The following CACNA1C variants were observed in gnomAD, a reference collection of about 807,000 sequenced individuals.
CACNA1C encodes the protein calcium voltage-gated channel subunit alpha1 C.
CACNA1C carries 30 observed loss-of-function variants against 229.0 expected under a neutral mutation model. That is an observed-to-expected ratio of 0.13 (90% CI 0.10 to 0.18). CACNA1C has a LOEUF of 0.18. Ranked by LOEUF, CACNA1C falls within the 10% of genes least tolerant of loss-of-function variation. CACNA1C has a pLI of 1.00. For missense variants in CACNA1C, 1,658 were observed against 2,845.0 expected, an observed-to-expected ratio of 0.58 and a Z score of 9.49; for synonymous variants, 1,114 against 1,132.5, an observed-to-expected ratio of 0.98 and a Z score of 0.33.
At chr12:2,457,778 A>G in intron 5 of CACNA1C, 72 bp downstream of exon 5, 1 of 1,327,912 alleles carries the variant, frequency 7.5e-7, no homozygotes, top group Non-Finnish European at 9.9e-7. Flanking sequence ...TGAATTGCCA[A>G]GAACACTCTG....
intron 2 of CACNA1C, among the ~76,000 whole-genome samples, 187 bp downstream of exon 2, chr12:2,115,732 A>G (rs2083560096): frequency 6.6e-6 from 1 of 152,256 alleles, no homozygotes; most frequent in Non-Finnish European, 1.5e-5. Flanking sequence ...AGACTGGATG[A>G]ATCAGAATAT....
chr12:2,190,009 A>G (rs1322423172), intron 3 of CACNA1C, among the ~76,000 whole-genome samples: 1 of 152,238 alleles, frequency 6.6e-6, no homozygotes, highest in African/African-American at 2.4e-5. Flanking sequence ...TTGTGGTTCA[A>G]CGTTAAAGGA....
intron 3 of CACNA1C, among the ~76,000 whole-genome samples, chr12:2,131,959 T>G (rs1261284695): frequency 2.1e-5 from 3 of 144,612 alleles, no homozygotes; most frequent in Admixed American, 6.9e-5. Context: ...CTTCCATTTG[T>G]TTGTATCCTC....
rs116455979 is a variant in CACNA1C, at chr12:2,317,457, A to T, written c.478-131519A>T. ...GTGCCTAGAGTAATGGAATTTATAG[A>T]GATGGGAAGCAGGATGACGGTTTTC... is the stretch of plus-strand genomic sequence containing the variant. On this transcript the variant is annotated intron_variant, in intron 3 of 46. Coordinates refer to ENST00000399655, the MANE Select transcript of CACNA1C (RefSeq NM_000719.7). Among the ~76,000 whole-genome samples, 551 of 152,270 alleles carry T rather than the reference A, an allele frequency of 3.6e-3. 3 individuals carry two copies. The highest frequency in any genetic ancestry group is 0.013 in the African/African-American group (537 of 41,546).
At chr12:2,517,209 G>A (rs370627625) in intron 9 of CACNA1C, among the ~76,000 whole-genome samples, 9 of 152,226 alleles carry the variant, frequency 5.9e-5, no homozygotes, top group African/African-American at 1.4e-4. Context: ...CATCTCTCGA[G>A]TCTGCATGCC....
In CACNA1C at chr12:2,457,843, A is replaced by G. The variant is rs547069202; in HGVS notation, c.757+137A>G. ...GGGTTTTTGTTTTTGTTTTAAAATG[A>G]GTTCCTTTGATCTGAAGAGCCCAAC... On this transcript the variant is annotated intron_variant, in intron 5 of 46. Transcript: ENST00000399655. The G allele has an allele frequency of 1.0e-5, 8 of 800,808 alleles. No individual in the cohort carries two copies. In the South Asian group the frequency reaches 2.8e-4, roughly 28 times the overall value. The allele number at this position is 800,808 out of a possible 1,614,324, so 49.6% of individuals were successfully genotyped here. A position where few individuals can be genotyped will look rare whatever the true frequency, so the allele number is the denominator to read the frequency against.
At chr12:2,261,163 T>C (rs1035714950) in intron 3 of CACNA1C, among the ~76,000 whole-genome samples, 1 of 150,594 alleles carries the variant, frequency 6.6e-6, no homozygotes, top group Admixed American at 6.6e-5. Context: ...ACCTGGGAGG[T>C]GGAGCTTGCA....
rs533278646 is a variant in CACNA1C, at chr12:2,165,686, A to G, written c.477+45256A>G. Among the ~76,000 whole-genome samples, 3 of 151,940 alleles carry G rather than the reference A, an allele frequency of 2.0e-5. No homozygotes were observed. The South Asian group carries it at 6.2e-4, about 31-fold the overall frequency. ...CTGTTTAAGTGGAAAATGCATGGTG[A>G]GTGAACATTACCTTTCAAGCAACTT... On this transcript the variant is annotated intron_variant, in intron 3 of 46. Transcript: ENST00000399655.
intron 3 of CACNA1C, among the ~76,000 whole-genome samples, chr12:2,394,874 C>T (rs1403214882): frequency 6.6e-6 from 1 of 152,194 alleles, no homozygotes; most frequent in Non-Finnish European, 1.5e-5. Flanking sequence ...GTACCATAAG[C>T]TGTATCTGCA....
rs1378261360 is a variant in CACNA1C, at chr12:2,691,297, CG to C, written c.*100del. On this transcript the variant is annotated 3_prime_UTR_variant, in exon 47 of 47. Coordinates refer to ENST00000399655, the MANE Select transcript of CACNA1C (RefSeq NM_000719.7). ...ACTGTTCTCGTGACCTGGAGTTAAC[CG>C]GAACAGCGTCTTCATTCATTTCTGT... 10 of 1,212,746 alleles carry C rather than the reference CG, an allele frequency of 8.2e-6. No individual in the cohort carries two copies. Among genetic ancestry groups the C allele is most frequent in the Middle Eastern group, 2.9e-4 (1 of 3,422 alleles). 75.1% of individuals were successfully genotyped at this position (1,212,746 alleles called of 1,614,324 possible). A position where few individuals can be genotyped will look rare whatever the true frequency, so the allele number is the denominator to read the frequency against.
chr12:2,232,124 G>A (rs904440536), intron 3 of CACNA1C, among the ~76,000 whole-genome samples: 7 of 150,110 alleles, frequency 4.7e-5, no homozygotes, highest in Non-Finnish European at 8.8e-5. Context: ...CTCCACTTCA[G>A]TCCTTTTTTT....
intron 3 of CACNA1C, among the ~76,000 whole-genome samples, chr12:2,182,735 GTCCA>G (rs1455707031): frequency 6.6e-5 from 10 of 152,158 alleles, no homozygotes. Context: ...GCATCCCTGA[GTCCA>G]AGGTAGGGGA....
Position 2,566,351 on chromosome 12 carries a change from G to A in CACNA1C, c.1509-71G>A. Reference sequence around the variant, plus strand: ...AGTGAGGGGCGAGAAGAGCCATGGTGCTGCATCTTGGGTTGGAGGAAACCT... The same window carrying A: ...AGTGAGGGGCGAGAAGAGCCATGGTACTGCATCTTGGGTTGGAGGAAACCT... On this transcript the variant is annotated intron_variant, in intron 11 of 46. Transcript: ENST00000399655. The surrounding 1 kb of genome is among the most constrained non-coding windows in gnomAD (Gnocchi z 4.0). 1 of 1,370,900 alleles carries A rather than the reference G, an allele frequency of 7.3e-7. No individual in the cohort carries two copies. Among genetic ancestry groups the A allele is most frequent in the Non-Finnish European group, 1.0e-6 (1 of 1,001,102 alleles). 84.9% of individuals were successfully genotyped at this position (1,370,900 alleles called of 1,614,324 possible).
intron 7 of CACNA1C, among the ~76,000 whole-genome samples, chr12:2,494,252 G>A (rs1037998767): frequency 2.0e-5 from 3 of 152,126 alleles, no homozygotes; most frequent in Non-Finnish European, 2.9e-5. Flanking sequence ...ACTTTGCTGC[G>A]CTTTGAGCCT....
rs575361164 is a variant in CACNA1C, at chr12:2,539,164, T to G, written c.1391-10779T>G. Among the ~76,000 whole-genome samples the G allele has an allele frequency of 3.9e-5, 6 of 152,348 alleles. 1 individual carries two copies. The highest frequency in any genetic ancestry group is 2.1e-4 in the South Asian group (1 of 4,826). On this transcript the variant is annotated intron_variant, in intron 9 of 46. Transcript: ENST00000399655. ...TGTGCCGTAGGGGTATGTCGGTCAG[T>G]GTCCCCATGGAAACAGTAGGTACTC...
chr12:2,387,466 C>G (rs1302018154), intron 3 of CACNA1C, among the ~76,000 whole-genome samples: 1 of 151,686 alleles, frequency 6.6e-6, no homozygotes, highest in Non-Finnish European at 1.5e-5. Flanking sequence ...GCCTGGGCGA[C>G]AGATCAAGAC....
Position 2,348,166 on chromosome 12 carries a change from T to C in CACNA1C, c.478-100810T>C, listed in dbSNP as rs2097102787. Among the ~76,000 whole-genome samples the C allele has an allele frequency of 6.6e-6, 1 of 152,086 alleles. No homozygotes were observed. Among genetic ancestry groups the C allele is most frequent in the African/African-American group, 2.4e-5 (1 of 41,420 alleles). ...GTGGGAGCGTGGGGCTAGCTGCCAG[T>C]GGGATGGCCCCAGCCGGAGGAGCTG... On this transcript the variant is annotated intron_variant, in intron 3 of 46. Transcript: ENST00000399655. The surrounding 1 kb of genome is among the most constrained non-coding windows in gnomAD (Gnocchi z 4.7).
upstream of CACNA1C, among the ~76,000 whole-genome samples, chr12:2,048,921 T>C (rs1261711475): frequency 6.6e-6 from 1 of 152,134 alleles, no homozygotes; most frequent in South Asian, 2.1e-4. Context: ...TGTCAACACT[T>C]TTTTTCCCCA....
In CACNA1C at chr12:2,680,471, G is replaced by A. The variant is rs1200789082; in HGVS notation, c.5444+675G>A. ...AGCTCCAGGGTTCCCTGGCGGGGCTGAGAGAGGACACACCCTGCATCGTGC... is the reference window on the plus strand; with the variant it reads ...AGCTCCAGGGTTCCCTGGCGGGGCTAAGAGAGGACACACCCTGCATCGTGC... On this transcript the variant is annotated intron_variant, in intron 42 of 46. Coordinates refer to ENST00000399655, the MANE Select transcript of CACNA1C (RefSeq NM_000719.7). The A allele has an allele frequency of 1.5e-5, 23 of 1,566,530 alleles. No homozygotes were observed. The highest frequency in any genetic ancestry group is 2.0e-5 in the Non-Finnish European group (23 of 1,155,340).
Sources: allele counts gnomAD v4.1 joint callset (sites outside exome capture counted in the v4.1 genomes callset), GRCh38; gene constraint gnomAD v4.1.1; non-coding constraint Gnocchi (gnomAD v3.1); transcripts MANE v1.5; gene names NCBI Gene and HGNC (gene_info 2026-07-23, HGNC 2026-07-21).